The following UGDH variants were observed in gnomAD, a reference collection of about 807,000 sequenced individuals.
The protein encoded by UGDH is UDP-glucose 6-dehydrogenase.
UGDH carries 38 observed loss-of-function variants against 50.6 expected under a neutral mutation model. The ratio of observed to expected loss-of-function variants is 0.75; its 90% CI spans 0.58 to 0.98. The LOEUF (loss-of-function observed/expected upper bound fraction) is 0.98. Ranked by LOEUF, UGDH falls within the 50% of genes least tolerant of loss-of-function variation. UGDH has a pLI of 0.00. For missense variants in UGDH, 465 were observed against 606.2 expected (o/e 0.77, Z 2.45); for synonymous variants, 168 against 199.9 (o/e 0.84, Z 1.35).
chr4:39,505,592 G>T, intron 8 of UGDH, 26 bp downstream of exon 8: 4 of 1,564,446 alleles, frequency 2.6e-6, no homozygotes, highest in Non-Finnish European at 3.5e-6. Flanking sequence ...TCTCAAAAGG[G>T]TTGAAATATT....
chr4:39,499,793 G>A lies in UGDH; in HGVS notation c.*350C>T, dbSNP rs1745716713. On this transcript the variant is annotated 3_prime_UTR_variant, in exon 12 of 12. Transcript: ENST00000316423. Reference sequence around the variant, plus strand: ...CACCTGTAATCCCAGCACTTTGGGAGGCCGAGACGGGTGGTTCACAAGGTC... The same window carrying A: ...CACCTGTAATCCCAGCACTTTGGGAAGCCGAGACGGGTGGTTCACAAGGTC... 1 of 165,126 alleles carries A rather than the reference G, an allele frequency of 6.1e-6. No individual in the cohort carries two copies. Among genetic ancestry groups the A allele is most frequent in the Admixed American group, 5.9e-5 (1 of 16,916 alleles). 10.2% of individuals were successfully genotyped at this position (165,126 alleles called of 1,614,324 possible).
chr4:39,504,011 T>C, intron 10 of UGDH, 26 bp from the exon 11 acceptor site: 2 of 1,598,798 alleles, frequency 1.3e-6, no homozygotes, highest in Non-Finnish European at 1.7e-6. Flanking sequence ...ACAGGAACAA[T>C]TAAAACACAT....
chr4:39,517,951 C>T lies in UGDH; in HGVS notation c.162+3400G>A, dbSNP rs149086639. On this transcript the variant is annotated intron_variant, in intron 2 of 11. Transcript: ENST00000316423. Reference sequence around the variant, plus strand: ...TTGTTTGTTTGTTTGTTTTTTAAGACGGAGTCTCACTCTGTTACCAACGCT... The same window carrying T: ...TTGTTTGTTTGTTTGTTTTTTAAGATGGAGTCTCACTCTGTTACCAACGCT... Among the ~76,000 whole-genome samples, 7 of 152,174 alleles carry T rather than the reference C, an allele frequency of 4.6e-5. No homozygotes were observed. In the East Asian group the frequency reaches 5.8e-4, roughly 13 times the overall value.
chr4:39,511,004 CA>C (rs1308324640), intron 3 of UGDH, 143 bp from the exon 4 acceptor site: 5 of 711,086 alleles, frequency 7.0e-6, no homozygotes, highest in Non-Finnish European at 9.1e-6. Context: ...AGAAATAATA[CA>C]TTTTATAAAT....
intron 3 of UGDH, among the ~76,000 whole-genome samples, chr4:39,512,001 C>A (rs1746265019): frequency 6.7e-6 from 1 of 148,810 alleles, no homozygotes. Flanking sequence ...CTGCACCTGG[C>A]CAATGGGCGA....
chr4:39,504,516 A>C lies in UGDH; in HGVS notation c.1172-8T>G. ...TGGTCACGAGCCGGGACACTGTAAC[A>C]ATAGCAACAACAAAAAAACAGAAAT... On this transcript the variant is annotated splice_polypyrimidine_tract_variant and splice_region_variant and intron_variant, in intron 9 of 11. Coordinates refer to ENST00000316423, the MANE Select transcript of UGDH (RefSeq NM_003359.4). The C allele has an allele frequency of 6.2e-7, 1 of 1,611,612 alleles. No homozygotes were observed. The highest frequency in any genetic ancestry group is 8.5e-7 in the Non-Finnish European group (1 of 1,178,242).
chr4:39,502,044 G>GT (rs146916608), intron 11 of UGDH, among the ~76,000 whole-genome samples: 29 of 150,634 alleles, frequency 1.9e-4, no homozygotes, highest in Non-Finnish European at 2.4e-4. Context: ...TTCCATTCCT[G>GT]TTTTTTTTTA....
At chr4:39,518,154 C>A (rs1417833759) in intron 2 of UGDH, among the ~76,000 whole-genome samples, 4 of 152,112 alleles carry the variant, frequency 2.6e-5, no homozygotes, top group Admixed American at 2.0e-4. Context: ...TGGTTTAGAA[C>A]CCCTGACCTC....
intron 7 of UGDH, among the ~76,000 whole-genome samples, chr4:39,508,265 T>C (rs1746102869): frequency 6.6e-6 from 1 of 152,224 alleles, no homozygotes; most frequent in Admixed American, 6.6e-5. Context: ...GGTCTCACTC[T>C]GTTGTCCAGG....
In UGDH at chr4:39,522,448, C is replaced by A. The variant is rs550501733; in HGVS notation, c.-7-929G>T. On this transcript the variant is annotated intron_variant, in intron 1 of 11. Transcript: ENST00000316423. ...AGTTTAAGAATTTTTTAGTATACTC[C>A]TGTATGGATCAGAGAACGCACTCTG... Among the ~76,000 whole-genome samples the A allele has an allele frequency of 1.8e-3, 271 of 152,282 alleles. 1 individual carries two copies. Among genetic ancestry groups the A allele is most frequent in the African/African-American group, 6.2e-3 (257 of 41,554 alleles).
Position 39,514,288 on chromosome 4 carries a change from AT to A in UGDH, c.163-105del, listed in dbSNP as rs1578274401. 8 of 948,318 alleles carry A rather than the reference AT, an allele frequency of 8.4e-6. No individual in the cohort carries two copies. In the East Asian group the frequency reaches 2.0e-4, roughly 24 times the overall value. 58.7% of individuals were successfully genotyped at this position (948,318 alleles called of 1,614,324 possible). On this transcript the variant is annotated intron_variant, in intron 2 of 11. Coordinates refer to ENST00000316423, the MANE Select transcript of UGDH (RefSeq NM_003359.4). The stretch of plus-strand genomic sequence containing the variant: ...TGTTAAAGGGCATGGTAATATTGTA[AT>A]TTAAAGGTCTAGGTTGTGCTCAAAT...
intron 1 of UGDH, among the ~76,000 whole-genome samples, chr4:39,524,239 T>C (rs1363738266): frequency 2.6e-5 from 4 of 152,162 alleles, no homozygotes; most frequent in African/African-American, 7.2e-5. Context: ...TTATTAAATG[T>C]AGAATCAGTG....
intron 2 of UGDH, among the ~76,000 whole-genome samples, chr4:39,521,011 C>T (rs1304781639): frequency 1.4e-5 from 2 of 144,300 alleles, no homozygotes; most frequent in African/African-American, 2.6e-5. Flanking sequence ...TGGGTGTTGC[C>T]GTGAGCTGAG....
rs745479173 is a variant in UGDH, at chr4:39,510,484, CTCTG to C, written c.528_531del (p.Asp176GlufsTer3). 10 of 1,614,056 alleles carry C rather than the reference CTCTG, an allele frequency of 6.2e-6. No individual in the cohort carries two copies. The highest frequency in any genetic ancestry group is 7.6e-6 in the Non-Finnish European group (9 of 1,180,032). On this transcript the variant is annotated frameshift_variant, in exon 5 of 12. Transcript: ENST00000316423. LOFTEE classifies it high-confidence loss of function. ...GGAGTTTCATCCCCTCCAATCAGTA[CTCTG>C]TCTGGGTTCTTTAGGTCCTTGATGG...
At chr4:39,501,367 C>T (rs1186104634) in intron 11 of UGDH, among the ~76,000 whole-genome samples, 3 of 151,564 alleles carry the variant, frequency 2.0e-5, no homozygotes, top group Admixed American at 2.0e-4. Flanking sequence ...CTCTGCCTCC[C>T]GGTTCACACC....
At chr4:39,509,623 C>A in intron 6 of UGDH, 137 bp downstream of exon 6, 2 of 1,043,252 alleles carry the variant, frequency 1.9e-6, no homozygotes, top group Non-Finnish European at 2.6e-6. Flanking sequence ...TGAATCATCT[C>A]TAAAAAAGAA....
At position 39,509,807 on chromosome 4, in the gene UGDH, A is replaced by G. The variant is rs1186496501; in HGVS notation, c.764T>C (p.Ile255Thr). The G allele has an allele frequency of 1.2e-6, 2 of 1,613,492 alleles. No homozygotes were observed. The highest frequency in any genetic ancestry group is 1.7e-5 in the Admixed American group (1 of 59,926). Residue 255 changes from isoleucine to threonine, a missense_variant, in exon 6 of 12, where the codon ATT becomes ACT. By Grantham distance (89) the Ile-to-Thr change is moderately conservative. Transcript: ENST00000316423. ...GADVEEVATAIGMDQRIGNKF... is the reference protein window; with the variant it reads ...GADVEEVATATGMDQRIGNKF... The stretch of plus-strand genomic sequence containing the variant: ...GTTTCCAATTCTCTGGTCCATTCCA[A>G]TCGCTGTTGCTACCTCTTCTACATC...
chr4:39,504,520 G>T lies in UGDH; in HGVS notation c.1172-12C>A. The T allele has an allele frequency of 6.2e-7, 1 of 1,609,598 alleles. No homozygotes were observed. Among genetic ancestry groups the T allele is most frequent in the Non-Finnish European group, 8.5e-7 (1 of 1,176,782 alleles). ...CACGAGCCGGGACACTGTAACAATA[G>T]CAACAACAAAAAAACAGAAATAAGA... On this transcript the variant is annotated splice_polypyrimidine_tract_variant and intron_variant, in intron 9 of 11. Coordinates refer to ENST00000316423, the MANE Select transcript of UGDH (RefSeq NM_003359.4).
chr4:39,507,831 T>A (rs1746086313), intron 7 of UGDH, among the ~76,000 whole-genome samples: 1 of 151,572 alleles, frequency 6.6e-6, no homozygotes, highest in Non-Finnish European at 1.5e-5. Flanking sequence ...GGTGGTGCGT[T>A]CCTGAAGTTG....
Sources: allele counts gnomAD v4.1 joint callset (sites outside exome capture counted in the v4.1 genomes callset), GRCh38; gene constraint gnomAD v4.1.1; transcripts MANE v1.5; gene names NCBI Gene and HGNC (gene_info 2026-07-23, HGNC 2026-07-21).